MYOM3: variants seen among roughly 807,000 people sequenced by gnomAD.
MYOM3 encodes the protein myomesin-3.
Under a neutral mutation model 191.7 loss-of-function variants are expected in MYOM3, and 155 were observed. The observed-to-expected ratio is 0.81, with a 90% CI of 0.71 to 0.92. MYOM3 has a LOEUF of 0.92. MYOM3 is among the 40% of genes least tolerant of loss of function. The probability of loss-of-function intolerance (pLI) is 0.00; values close to 1 mark genes in which losing one functional copy is unlikely to be tolerated. For synonymous variants in MYOM3, 757 were observed against 762.9 expected (o/e 0.99, Z 0.13); for missense variants, 1,889 against 1,890.6 (o/e 1.00, Z 0.02).
chr1:24,088,897 G>T (rs1643778413), intron 14 of MYOM3, among the ~76,000 whole-genome samples: 1 of 152,176 alleles, frequency 6.6e-6, no homozygotes, highest in Non-Finnish European at 1.5e-5. Context: ...TTCTATGCTG[G>T]AGGAAACTGA....
Position 24,075,403 on chromosome 1 carries a change from G to C in MYOM3, c.2774C>G (p.Pro925Arg). ...GGACCACTGAAACTCTGAGGAGTCG[G>C]GGGCTTCAGGGGCTTCAAAAGCCAA... is the stretch of plus-strand genomic sequence containing the variant. ...IYLAFEAPEA[P>R]DSSEFQWSKD... The change falls in exon 22 of 37, where the codon CCC becomes CGC. Residue 925 changes from proline to arginine, a missense_variant. Physicochemically the swap from Pro to Arg is moderately radical, Grantham distance 103. Coordinates refer to ENST00000374434, the MANE Select transcript of MYOM3 (RefSeq NM_152372.4). The C allele has an allele frequency of 6.2e-7, 1 of 1,610,182 alleles. No homozygotes were observed. The highest frequency in any genetic ancestry group is 2.2e-5 in the East Asian group (1 of 44,806).
intron 16 of MYOM3, 58 bp from the exon 17 acceptor site, chr1:24,082,772 A>C (rs563839472): frequency 6.7e-7 from 1 of 1,501,706 alleles, no homozygotes; most frequent in African/African-American, 1.4e-5. Context: ...ACATTCCCAA[A>C]CTTGCTAGAA....
At chr1:24,071,800 C>T (rs1442929089) in intron 24 of MYOM3, among the ~76,000 whole-genome samples, 169 bp downstream of exon 24, 2 of 152,186 alleles carry the variant, frequency 1.3e-5, no homozygotes, top group East Asian at 3.9e-4. Flanking sequence ...TGCTCTTTTC[C>T]TTCCGTGAGC....
At chr1:24,071,729 T>C (rs1336839809) in intron 24 of MYOM3, among the ~76,000 whole-genome samples, 1 of 152,154 alleles carries the variant, frequency 6.6e-6, no homozygotes, top group Non-Finnish European at 1.5e-5. Context: ...AAAGAGCCAA[T>C]AACAGTAATT....
intron 16 of MYOM3, chr1:24,084,208 T>A (rs1348497462): frequency 2.3e-6 from 1 of 432,968 alleles, no homozygotes; most frequent in Non-Finnish European, 4.2e-6. Context: ...TCTCATGAGA[T>A]CTGCTTGTTT....
At chr1:24,065,287 A>T (rs1557601353) in intron 29 of MYOM3, among the ~76,000 whole-genome samples, 1 of 152,236 alleles carries the variant, frequency 6.6e-6, no homozygotes, top group Admixed American at 6.5e-5. Flanking sequence ...CTGGGCACCC[A>T]GTGAGGCCAC....
intron 19 of MYOM3, among the ~76,000 whole-genome samples, chr1:24,080,589 G>A (rs1376204610): frequency 6.6e-6 from 1 of 152,174 alleles, no homozygotes; most frequent in East Asian, 1.9e-4. Flanking sequence ...CTCTGGATGA[G>A]ATACTTAGCC....
chr1:24,065,032 G>A (rs1200190359), intron 29 of MYOM3, among the ~76,000 whole-genome samples: 1 of 152,170 alleles, frequency 6.6e-6, no homozygotes, highest in African/African-American at 2.4e-5. Flanking sequence ...CTGCCTGTAT[G>A]CTACAGCTGC....
intron 21 of MYOM3, 67 bp from the exon 22 acceptor site, chr1:24,075,542 C>A (rs1557606017): frequency 1.4e-6 from 2 of 1,460,588 alleles, no homozygotes; most frequent in Non-Finnish European, 9.1e-7. Flanking sequence ...CACCCCTCCC[C>A]TGCTTAAACC....
intron 36 of MYOM3, among the ~76,000 whole-genome samples, 176 bp downstream of exon 36, chr1:24,058,748 A>G (rs1222277026): frequency 6.6e-6 from 1 of 152,176 alleles, no homozygotes; most frequent in East Asian, 1.9e-4. Context: ...GTACCCACTG[A>G]GGGCTGACAC....
At chr1:24,110,783 G>A (rs1024797357) in intron 1 of MYOM3, among the ~76,000 whole-genome samples, 5 of 152,216 alleles carry the variant, frequency 3.3e-5, no homozygotes, top group Non-Finnish European at 7.3e-5. Context: ...TGCACCCAAA[G>A]AAGTGGCTAG....
chr1:24,078,410 T>G (rs1436951568), intron 20 of MYOM3, among the ~76,000 whole-genome samples: 1 of 152,190 alleles, frequency 6.6e-6, no homozygotes, highest in Non-Finnish European at 1.5e-5. Flanking sequence ...AGACCCGCCG[T>G]GCCCAGCCAA....
At chr1:24,093,978 G>C (rs2148556949) in intron 9 of MYOM3, among the ~76,000 whole-genome samples, 1 of 152,212 alleles carries the variant, frequency 6.6e-6, no homozygotes, top group South Asian at 2.1e-4. Context: ...GCTCTGACCA[G>C]GCTTCTCAAG....
Position 24,062,107 on chromosome 1 carries a change from T to C in MYOM3, c.3773A>G (p.Asp1258Gly). 4 of 1,613,986 alleles carry C rather than the reference T, an allele frequency of 2.5e-6. No individual in the cohort carries two copies. The highest frequency in any genetic ancestry group is 3.4e-6 in the Non-Finnish European group (4 of 1,179,972). The part of the protein sequence containing the change: ...EYMKTTWFHK[D>G]KRLESGDRIR... ...CCGATCACCACTCTCCAGACGTTTG[T>C]CTCTGAATGTGAGGGTGGAGAAATG... The change falls in exon 33 of 37, where the codon GAC becomes GGC. Residue 1258 changes from aspartate to glycine, a missense_variant and splice_region_variant. Coordinates refer to ENST00000374434, the MANE Select transcript of MYOM3 (RefSeq NM_152372.4).
At chr1:24,074,318 G>A (rs1643570970) in intron 22 of MYOM3, 49 bp from the exon 23 acceptor site, 1 of 1,422,652 alleles carries the variant, frequency 7.0e-7, no homozygotes, top group African/African-American at 1.4e-5. Flanking sequence ...CCTTGGTCCT[G>A]TGCACTAGAG....
At chr1:24,091,378 T>C (rs4487973) in intron 11 of MYOM3, among the ~76,000 whole-genome samples, 87,071 of 152,026 alleles carry the variant, frequency 0.57, 25,222 homozygotes, top group African/African-American at 0.62. Flanking sequence ...AGTTAGGATT[T>C]ACCTGAGCTT....
chr1:24,082,408 C>T, intron 17 of MYOM3, 185 bp downstream of exon 17: 1 of 974,146 alleles, frequency 1.0e-6, no homozygotes, highest in Non-Finnish European at 1.5e-6. Context: ...GGCCCCATCC[C>T]ATGGCCTCAA....
At chr1:24,086,949 G>T (rs573566641) in intron 14 of MYOM3, 122 bp from the exon 15 acceptor site, 1 of 1,030,568 alleles carries the variant, frequency 9.7e-7, no homozygotes, top group Admixed American at 2.5e-5. Flanking sequence ...CTCAGCCCAG[G>T]CTGCCCCTGA....
In MYOM3 at chr1:24,092,208, G is replaced by T; in HGVS notation, c.1198C>A (p.Arg400=). Residue 400 remains arginine, a synonymous_variant, in exon 11 of 37, where the codon CGG becomes AGG. Coordinates refer to ENST00000374434, the MANE Select transcript of MYOM3 (RefSeq NM_152372.4). ...ILTWAPPSDT[R]GNPITAYTIE... ...GTGTAGGCAGTGATGGGGTTGCCCCGGGTGTCACTGGGCGGGGCCCAAGTC... is the reference window on the plus strand; with the variant it reads ...GTGTAGGCAGTGATGGGGTTGCCCCTGGTGTCACTGGGCGGGGCCCAAGTC... 3 of 1,455,592 alleles carry T rather than the reference G, an allele frequency of 2.1e-6. No individual in the cohort carries two copies. The highest frequency in any genetic ancestry group is 9.1e-7 in the Non-Finnish European group (1 of 1,096,304). 90.2% of individuals were successfully genotyped at this position (1,455,592 alleles called of 1,614,324 possible).
Sources: allele counts gnomAD v4.1 joint callset (sites outside exome capture counted in the v4.1 genomes callset), GRCh38; gene constraint gnomAD v4.1.1; transcripts MANE v1.5; gene names NCBI Gene and HGNC (gene_info 2026-07-23, HGNC 2026-07-21).